WDR70: variants seen among roughly 807,000 people sequenced by gnomAD.
WDR70 encodes WD repeat-containing protein 70.
A neutral mutation model predicts 88.6 loss-of-function variants in WDR70; 53 were observed. The ratio of observed to expected loss-of-function variants is 0.60; its 90% CI spans 0.48 to 0.75. The LOEUF is 0.75. Ranked by LOEUF, WDR70 falls within the 30% of genes least tolerant of loss-of-function variation. The pLI is 0.00. For synonymous variants in WDR70, 280 were observed against 270.0 expected (o/e 1.04, Z -0.36); for missense variants, 610 against 823.2 (o/e 0.74, Z 3.17).
chr5:37,631,619 C>G (rs1045212495), intron 10 of WDR70, among the ~76,000 whole-genome samples: 10 of 152,084 alleles, frequency 6.6e-5, no homozygotes, highest in Non-Finnish European at 1.2e-4. Flanking sequence ...TAAGGACATA[C>G]AGTAAGAGGC....
At chr5:37,468,345 T>C (rs571501588) in intron 7 of WDR70, among the ~76,000 whole-genome samples, 1 of 152,314 alleles carries the variant, frequency 6.6e-6, no homozygotes, top group Admixed American at 6.5e-5. Flanking sequence ...TAAAATAATC[T>C]ATAATCTATT....
At chr5:37,440,936 A>T (rs1750634713) in intron 6 of WDR70, among the ~76,000 whole-genome samples, 1 of 152,208 alleles carries the variant, frequency 6.6e-6, no homozygotes. Context: ...TCTTTTAAAC[A>T]AATATTTAGT....
chr5:37,712,857 A>G (rs1018807527), intron 13 of WDR70, among the ~76,000 whole-genome samples: 12 of 151,872 alleles, frequency 7.9e-5, no homozygotes, highest in African/African-American at 2.9e-4. Context: ...GTGCACTACC[A>G]TGCCCAGCTA....
intron 8 of WDR70, among the ~76,000 whole-genome samples, chr5:37,490,471 T>TC (rs1362955138): frequency 6.6e-6 from 1 of 152,124 alleles, no homozygotes; most frequent in Non-Finnish European, 1.5e-5. Flanking sequence ...ATGCTTTGTC[T>TC]CCACTTCCCC....
At chr5:37,575,046 G>C (rs922285246) in intron 9 of WDR70, among the ~76,000 whole-genome samples, 1 of 152,128 alleles carries the variant, frequency 6.6e-6, no homozygotes, top group East Asian at 1.9e-4. Flanking sequence ...TGAAAGCTCC[G>C]TGAGGGCAAG....
intron 10 of WDR70, among the ~76,000 whole-genome samples, chr5:37,626,593 C>A (rs1412651353): frequency 6.6e-6 from 1 of 152,020 alleles, no homozygotes; most frequent in Non-Finnish European, 1.5e-5. Context: ...GTTGTTGTAT[C>A]CTTATCTAGT....
At chr5:37,512,360 T>C (rs1397630286) in intron 8 of WDR70, among the ~76,000 whole-genome samples, 1 of 152,120 alleles carries the variant, frequency 6.6e-6, no homozygotes, top group Non-Finnish European at 1.5e-5. Flanking sequence ...TAACTGGGAC[T>C]ACAGGCACCT....
chr5:37,566,742 A>G (rs1235149638), intron 9 of WDR70, among the ~76,000 whole-genome samples: 1 of 152,188 alleles, frequency 6.6e-6, no homozygotes, highest in Non-Finnish European at 1.5e-5. Context: ...TGCAAGGCTA[A>G]TACATAAGGC....
chr5:37,486,951 A>G (rs1434696479), intron 8 of WDR70, among the ~76,000 whole-genome samples: 2 of 152,186 alleles, frequency 1.3e-5, no homozygotes, highest in Non-Finnish European at 2.9e-5. Flanking sequence ...TTTGCTGTGC[A>G]GAAGCTTCAA....
intron 8 of WDR70, chr5:37,505,691 T>C (rs1740538518): frequency 2.2e-6 from 2 of 914,608 alleles, no homozygotes. Context: ...AAAATTCTCA[T>C]CTGACATTTT....
intron 9 of WDR70, among the ~76,000 whole-genome samples, chr5:37,568,529 A>G (rs957222195): frequency 2.6e-5 from 4 of 152,214 alleles, no homozygotes; most frequent in Non-Finnish European, 4.4e-5. Flanking sequence ...AGGCACCACA[A>G]TAAAGTTATT....
intron 9 of WDR70, among the ~76,000 whole-genome samples, chr5:37,573,380 C>T (rs1742964918): frequency 1.3e-5 from 2 of 151,526 alleles, no homozygotes; most frequent in African/African-American, 4.9e-5. Context: ...GTTACTGCCT[C>T]TTTTTTTTTC....
intron 7 of WDR70, among the ~76,000 whole-genome samples, chr5:37,462,361 G>T (rs1739031940): frequency 6.6e-6 from 1 of 152,068 alleles, no homozygotes; most frequent in South Asian, 2.1e-4. Flanking sequence ...GTAGTGCGGT[G>T]GCGTGATCCT....
At chr5:37,689,941 C>T (rs1348604057) in intron 10 of WDR70, among the ~76,000 whole-genome samples, 4 of 152,208 alleles carry the variant, frequency 2.6e-5, no homozygotes, top group East Asian at 1.9e-4. Flanking sequence ...TTGAACCCAT[C>T]GCAAGGAAGC....
In WDR70 at chr5:37,725,047, C is replaced by T; in HGVS notation, c.1711C>T (p.Pro571Ser). ...SHKPEPPVAG[P>S]GRGGRVGTHG... is the part of the protein sequence containing the mutation. ...TAAACCTGAACCTCCTGTAGCAGGCCCAGGTGACTGTGATCCAGCTAGTGA... is the reference window on the plus strand; with the variant it reads ...TAAACCTGAACCTCCTGTAGCAGGCTCAGGTGACTGTGATCCAGCTAGTGA... Residue 571 changes from proline to serine, a missense_variant, in exon 16 of 18, where the codon CCA becomes TCA. By Grantham distance (74) the Pro-to-Ser change is moderately conservative. This residue lies in a region of WDR70 where 70 missense variants were observed against 139.2 expected (regional missense o/e 0.50). Coordinates refer to ENST00000265107, the MANE Select transcript of WDR70 (RefSeq NM_018034.4). 1 of 1,613,024 alleles carries T rather than the reference C, an allele frequency of 6.2e-7. No individual in the cohort carries two copies. Among genetic ancestry groups the T allele is most frequent in the Non-Finnish European group, 8.5e-7 (1 of 1,179,362 alleles).
chr5:37,533,357 C>T (rs879927981), intron 9 of WDR70, among the ~76,000 whole-genome samples: 3 of 152,042 alleles, frequency 2.0e-5, no homozygotes, highest in Non-Finnish European at 2.9e-5. Flanking sequence ...GCACTTTGGC[C>T]GAGATGGGCG....
intron 9 of WDR70, among the ~76,000 whole-genome samples, chr5:37,593,177 T>C (rs979970974): frequency 6.6e-6 from 1 of 152,124 alleles, no homozygotes; most frequent in African/African-American, 2.4e-5. Flanking sequence ...TTTAAAATAC[T>C]TTTAAGTTCT....
At chr5:37,519,151 T>C (rs940623207) in intron 9 of WDR70, among the ~76,000 whole-genome samples, 3 of 152,222 alleles carry the variant, frequency 2.0e-5, no homozygotes, top group Non-Finnish European at 2.9e-5. Flanking sequence ...CCCTTTTCTT[T>C]TCGACAAAAC....
intron 17 of WDR70, among the ~76,000 whole-genome samples, chr5:37,729,554 A>C (rs1475902725): frequency 3.3e-5 from 5 of 152,208 alleles, no homozygotes; most frequent in Admixed American, 2.6e-4. Context: ...TGGCATATAC[A>C]TTAACTAGTT....
Sources: allele counts gnomAD v4.1 joint callset (sites outside exome capture counted in the v4.1 genomes callset), GRCh38; gene constraint gnomAD v4.1.1; regional missense constraint gnomAD v4.1.1; transcripts MANE v1.5; gene names NCBI Gene and HGNC (gene_info 2026-07-23, HGNC 2026-07-21).